Variants in CCSER1 observed in about 807,000 individuals in gnomAD.
The protein encoded by CCSER1 is serine-rich coiled-coil domain-containing protein 1.
CCSER1 carries 41 observed loss-of-function variants against 82.0 expected under a neutral mutation model. The observed-to-expected ratio is 0.50, with a 90% CI of 0.39 to 0.65. The LOEUF is 0.65. CCSER1 is among the 30% of genes least tolerant of loss of function. The pLI is 0.00. For missense variants in CCSER1, 1,119 were observed against 1,064.2 expected, an observed-to-expected ratio of 1.05 and a Z score of -0.72; for synonymous variants, 414 against 383.9, an observed-to-expected ratio of 1.08 and a Z score of -0.92.
At chr4:91,400,372 A>T (rs1219959967) in intron 10 of CCSER1, among the ~76,000 whole-genome samples, 1 of 151,762 alleles carries the variant, frequency 6.6e-6, no homozygotes, top group Non-Finnish European at 1.5e-5. Context: ...GATTCAACAC[A>T]TCACATTTCT....
intron 6 of CCSER1, among the ~76,000 whole-genome samples, chr4:90,632,540 A>G (rs998456728): frequency 6.6e-6 from 1 of 152,114 alleles, no homozygotes; most frequent in African/African-American, 2.4e-5. Flanking sequence ...TGAATCTAAC[A>G]TTGTGTTTGT....
At chr4:90,840,720 C>G (rs377274879) in intron 8 of CCSER1, among the ~76,000 whole-genome samples, 3 of 151,958 alleles carry the variant, frequency 2.0e-5, no homozygotes, top group African/African-American at 7.3e-5. Flanking sequence ...GCAAGAAGCA[C>G]CCTCATCCAT....
chr4:90,407,440 C>T (rs1020938912), intron 4 of CCSER1, among the ~76,000 whole-genome samples: 1 of 152,210 alleles, frequency 6.6e-6, no homozygotes, highest in South Asian at 2.1e-4. Context: ...AAGAATTGGT[C>T]CCAATCCTGT....
chr4:91,286,125 T>G (rs1188217303), intron 10 of CCSER1, among the ~76,000 whole-genome samples: 1 of 151,710 alleles, frequency 6.6e-6, no homozygotes, highest in African/African-American at 2.4e-5. Flanking sequence ...GTCAAGAAAT[T>G]TTCCTTAACA....
rs116282469 is a variant in CCSER1, at chr4:91,454,457, C to G, written c.2218-144115C>G. ...CACCTTCTACTTATAAGGACACACA[C>G]AGATTACATTTAGGACCCACCTGGA... is the stretch of plus-strand genomic sequence containing the variant. On this transcript the variant is annotated intron_variant, in intron 10 of 10. Coordinates refer to ENST00000509176, the MANE Select transcript of CCSER1 (RefSeq NM_001145065.2). 4.4e-3 allele frequency among the ~76,000 whole-genome samples: 669 copies of G among 152,142 alleles called. 3 individuals are homozygous for G. The highest frequency in any genetic ancestry group is 0.015 in the African/African-American group (636 of 41,530).
chr4:90,609,212 A>G, intron 5 of CCSER1, among the ~76,000 whole-genome samples: 1 of 152,108 alleles, frequency 6.6e-6, no homozygotes, highest in East Asian at 1.9e-4. Context: ...AAATGTTGTG[A>G]ATAGAAATCA....
intron 9 of CCSER1, among the ~76,000 whole-genome samples, chr4:91,083,519 G>T (rs564473407): frequency 5.2e-4 from 79 of 152,186 alleles, no homozygotes; most frequent in Non-Finnish European, 6.3e-4. Context: ...TAACAAATCT[G>T]CATGTTGTGC....
At chr4:91,509,228 C>T (rs1759697104) in intron 10 of CCSER1, among the ~76,000 whole-genome samples, 1 of 151,826 alleles carries the variant, frequency 6.6e-6, no homozygotes, top group African/African-American at 2.4e-5. Context: ...TAGACATTTA[C>T]AGCTGCAGAT....
At chr4:91,144,218 A>T (rs947870426) in intron 10 of CCSER1, among the ~76,000 whole-genome samples, 2 of 151,176 alleles carry the variant, frequency 1.3e-5, no homozygotes, top group African/African-American at 4.9e-5. Context: ...GAATTTATCC[A>T]TTTTTTTTCT....
intron 1 of CCSER1, among the ~76,000 whole-genome samples, chr4:90,171,440 T>C (rs927496377): frequency 6.6e-6 from 1 of 151,968 alleles, no homozygotes; most frequent in Non-Finnish European, 1.5e-5. Context: ...CTCAGCTTTG[T>C]TTTTGCCTAT....
At chr4:90,259,180 T>C (rs539757805) in intron 1 of CCSER1, among the ~76,000 whole-genome samples, 2 of 152,212 alleles carry the variant, frequency 1.3e-5, no homozygotes, top group South Asian at 2.1e-4. Context: ...TTTTCCTTTA[T>C]AGTTTTCACC....
chr4:90,390,464 A>G (rs1750815417), intron 3 of CCSER1, among the ~76,000 whole-genome samples: 1 of 152,066 alleles, frequency 6.6e-6, no homozygotes, highest in Admixed American at 6.6e-5. Flanking sequence ...AGTAGTCCCC[A>G]GTGTCTATTG....
At chr4:90,156,745 T>C (rs1198328732) in intron 1 of CCSER1, among the ~76,000 whole-genome samples, 1 of 152,194 alleles carries the variant, frequency 6.6e-6, no homozygotes, top group Non-Finnish European at 1.5e-5. Flanking sequence ...CCTCTATCCT[T>C]TTATTTTGAG....
intron 1 of CCSER1, among the ~76,000 whole-genome samples, chr4:90,305,252 A>G (rs895244385): frequency 3.3e-5 from 5 of 152,186 alleles, no homozygotes; most frequent in Non-Finnish European, 7.4e-5. Flanking sequence ...TGCAGGAAAT[A>G]CTTTAAAAAT....
intron 10 of CCSER1, among the ~76,000 whole-genome samples, chr4:91,584,019 T>G (rs1017398336): frequency 6.6e-6 from 1 of 151,566 alleles, no homozygotes; most frequent in Non-Finnish European, 1.5e-5. Flanking sequence ...GCAATCTGCA[T>G]TCTTTTAAAA....
chr4:91,144,943 G>T (rs1729403771), intron 10 of CCSER1, among the ~76,000 whole-genome samples: 1 of 151,932 alleles, frequency 6.6e-6, no homozygotes, highest in Non-Finnish European at 1.5e-5. Flanking sequence ...TTTGATTTTA[G>T]GTGGAATACT....
intron 10 of CCSER1, among the ~76,000 whole-genome samples, chr4:91,322,327 A>T (rs577891289): frequency 6.6e-6 from 1 of 152,074 alleles, no homozygotes; most frequent in Non-Finnish European, 1.5e-5. Flanking sequence ...CAATAATGTA[A>T]ACAATTGTAA....
At chr4:91,140,967 C>T (rs140964238) in intron 10 of CCSER1, among the ~76,000 whole-genome samples, 3 of 152,146 alleles carry the variant, frequency 2.0e-5, no homozygotes, top group Admixed American at 6.6e-5. Context: ...CCCTCCTTCC[C>T]TCCCAGTTTT....
intron 10 of CCSER1, among the ~76,000 whole-genome samples, chr4:91,363,999 G>A (rs17018422): frequency 1.4e-5 from 2 of 148,016 alleles, no homozygotes; most frequent in Non-Finnish European, 3.1e-5. Flanking sequence ...TTTTGGTAAA[G>A]TATTGACATA....
Sources: allele counts gnomAD v4.1 joint callset (sites outside exome capture counted in the v4.1 genomes callset), GRCh38; gene constraint gnomAD v4.1.1; transcripts MANE v1.5; gene names NCBI Gene and HGNC (gene_info 2026-07-23, HGNC 2026-07-21).